The following ANKRD16 variants were observed in gnomAD, a reference collection of about 807,000 sequenced individuals.
ANKRD16 encodes ankyrin repeat domain 16.
A neutral mutation model predicts 37.9 loss-of-function variants in ANKRD16; 35 were observed. The observed-to-expected ratio is 0.92, with a 90% CI of 0.71 to 1.23. The LOEUF (loss-of-function observed/expected upper bound fraction) is 1.23, where lower values mean the gene tolerates loss of function less well. Among genes scored for constraint, ANKRD16 ranks in the 50% most tolerant of loss-of-function variants. The pLI is 0.00. For missense variants in ANKRD16, 480 were observed against 469.9 expected (o/e 1.02, Z -0.20); for synonymous variants, 206 against 197.2 (o/e 1.04, Z -0.37).
chr10:5,873,814 G>C (rs1236628564), intron 7 of ANKRD16, among the ~76,000 whole-genome samples: 1 of 151,472 alleles, frequency 6.6e-6, no homozygotes, highest in Non-Finnish European at 1.5e-5. Context: ...TCTCGTGTAA[G>C]TTTTTTTGGT....
Position 5,889,470 on chromosome 10 carries a change from C to T in ANKRD16, c.-116G>A. The T allele has an allele frequency of 1.3e-6, 1 of 761,390 alleles. No homozygotes were observed. The highest frequency in any genetic ancestry group is 1.7e-6 in the Non-Finnish European group (1 of 590,384). The allele number at this position is 761,390 out of a possible 1,614,324, so 47.2% of individuals were successfully genotyped here. A position where few individuals can be genotyped will look rare whatever the true frequency, so the allele number is the denominator to read the frequency against. On this transcript the variant is annotated 5_prime_UTR_variant, in exon 1 of 8. Transcript: ENST00000380094. ...GCCTCTTCACGCAACCTGCCCCGCG[C>T]GCCCCGAACCCGGCAGAACCGCCCC...
rs915018735 is a variant in ANKRD16, at chr10:5,864,586, C to T, written c.*34-1895G>A. Among the ~76,000 whole-genome samples, 13 of 152,200 alleles carry T rather than the reference C, an allele frequency of 8.5e-5. No homozygotes were observed. The highest frequency in any genetic ancestry group is 3.4e-3 in the Middle Eastern group (1 of 294). ...ACCCTGGCCTTTAATGAAAAGAATG[C>T]GGCTTTAGCTGCAGCCCGAGAGTTT... is the stretch of plus-strand genomic sequence containing the variant. On this transcript the variant is annotated intron_variant, in intron 7 of 7. Transcript: ENST00000380094. The surrounding 1 kb of genome is among the most constrained non-coding windows in gnomAD (Gnocchi z 4.4).
chr10:5,882,816 A>G, intron 5 of ANKRD16, 190 bp downstream of exon 5: 1 of 557,488 alleles, frequency 1.8e-6, no homozygotes, highest in East Asian at 3.3e-5. Context: ...AGTTTTGTCT[A>G]GCAACAAATT....
At chr10:5,872,804 C>T (rs1249044841) in intron 7 of ANKRD16, among the ~76,000 whole-genome samples, 298 of 151,890 alleles carry the variant, frequency 2.0e-3, no homozygotes, top group Non-Finnish European at 3.1e-3. Context: ...GATCTGCCCC[C>T]CTTGGCCTCC....
chr10:5,880,710 G>A (rs370280202), intron 5 of ANKRD16, among the ~76,000 whole-genome samples: 64 of 152,256 alleles, frequency 4.2e-4, no homozygotes, highest in African/African-American at 1.5e-3. Flanking sequence ...AAGATAAGGT[G>A]AATATAAAGT....
At chr10:5,880,922 G>A (rs938049300) in intron 5 of ANKRD16, among the ~76,000 whole-genome samples, 3 of 150,910 alleles carry the variant, frequency 2.0e-5, no homozygotes, top group Non-Finnish European at 4.4e-5. Flanking sequence ...TAAAACAGTC[G>A]ACTGCTAAAA....
At position 5,873,651 on chromosome 10, in the gene ANKRD16, T is replaced by C. The variant is rs180673088; in HGVS notation, c.*33+4446A>G. ...TGGTCTGCCACCTGCTGGTGGATTC[T>C]AGCAACGTCCTGGGTTAAATTAAAT... On this transcript the variant is annotated intron_variant, in intron 7 of 7. Coordinates refer to ENST00000380094, the MANE Select transcript of ANKRD16 (RefSeq NM_019046.3). Among the ~76,000 whole-genome samples, 5 of 152,316 alleles carry C rather than the reference T, an allele frequency of 3.3e-5. No individual in the cohort carries two copies. The East Asian group carries it at 9.6e-4, about 29-fold the overall frequency.
At position 5,883,480 on chromosome 10, in the gene ANKRD16, G is replaced by C. The variant is rs541290396; in HGVS notation, c.688-313C>G. On this transcript the variant is annotated intron_variant, in intron 4 of 7. Coordinates refer to ENST00000380094, the MANE Select transcript of ANKRD16 (RefSeq NM_019046.3). ...CTGGCTAATTTTTATATTTTTAGTAGAGATGGGTTTTAACATGTTGGCTAG... is the reference window on the plus strand; with the variant it reads ...CTGGCTAATTTTTATATTTTTAGTACAGATGGGTTTTAACATGTTGGCTAG... Among the ~76,000 whole-genome samples, 697 of 152,272 alleles carry C rather than the reference G, an allele frequency of 4.6e-3. 6 individuals are homozygous for C. Among genetic ancestry groups the C allele is most frequent in the African/African-American group, 0.016 (654 of 41,552 alleles).
In ANKRD16 at chr10:5,874,772, C is replaced by T. The variant is rs1306599756; in HGVS notation, c.*33+3325G>A. 6.6e-6 allele frequency among the ~76,000 whole-genome samples: 1 copy of T among 152,124 alleles called. No individual in the cohort carries two copies. The highest frequency in any genetic ancestry group is 1.5e-5 in the Non-Finnish European group (1 of 68,038). Reference sequence around the variant, plus strand: ...GGGCTAGAGAGAGATCTGAGTGTTACTGACATTAGGGTGTAGCTGAAACCC... The same window carrying T: ...GGGCTAGAGAGAGATCTGAGTGTTATTGACATTAGGGTGTAGCTGAAACCC... On this transcript the variant is annotated intron_variant, in intron 7 of 7. Coordinates refer to ENST00000380094, the MANE Select transcript of ANKRD16 (RefSeq NM_019046.3). The surrounding 1 kb of genome is among the most constrained non-coding windows in gnomAD (Gnocchi z 4.7).
rs117063868 is a variant in ANKRD16 at position 5,870,547 on chromosome 10, G to A, written c.*33+7550C>T. On this transcript the variant is annotated intron_variant, in intron 7 of 7. Transcript: ENST00000380094. The surrounding 1 kb of genome is among the most constrained non-coding windows in gnomAD (Gnocchi z 5.0). ...GCTTCCTTGGTAGCTGGGACTACAG[G>A]CACACCACGCCCAGCTAATTTTTTG... Among the ~76,000 whole-genome samples the A allele has an allele frequency of 6.7e-3, 1,024 of 152,148 alleles. 10 individuals are homozygous for A. The highest frequency in any genetic ancestry group is 7.6e-3 in the Non-Finnish European group (518 of 68,010).
At chr10:5,888,361 T>A (rs1842486123) in intron 1 of ANKRD16, among the ~76,000 whole-genome samples, 1 of 152,162 alleles carries the variant, frequency 6.6e-6, no homozygotes, top group African/African-American at 2.4e-5. Flanking sequence ...GGAGCAGAGC[T>A]AAGAAAACCC....
rs950252089 is a variant in ANKRD16 at position 5,861,862 on chromosome 10, A to G, written c.*863T>C. The G allele has an allele frequency of 2.7e-5, 4 of 150,796 alleles. No individual in the cohort carries two copies. Among genetic ancestry groups the G allele is most frequent in the African/African-American group, 9.8e-5 (4 of 40,894 alleles). The allele number at this position is 150,796 out of a possible 1,614,324, so 9.3% of individuals were successfully genotyped here. On this transcript the variant is annotated 3_prime_UTR_variant, in exon 8 of 8. Transcript: ENST00000380094. ...TGGTATCATCTGTGATACTATCAAC[A>G]TGGCAGCTCACAGACTGGGCAGGCC... is the stretch of plus-strand genomic sequence containing the variant.
intron 7 of ANKRD16, among the ~76,000 whole-genome samples, chr10:5,872,595 T>C (rs112369361): frequency 0.027 from 4,123 of 151,738 alleles, 70 homozygotes; most frequent in Non-Finnish European, 0.042. Flanking sequence ...CTCACTCTGT[T>C]GCCCAGGCTG....
intron 7 of ANKRD16, among the ~76,000 whole-genome samples, chr10:5,872,991 C>A (rs944391793): frequency 6.7e-6 from 1 of 149,162 alleles, no homozygotes; most frequent in East Asian, 2.0e-4. Flanking sequence ...TTCCAAGCAG[C>A]TGGGACTACA....
Position 5,874,795 on chromosome 10 carries a change from C to T in ANKRD16, c.*33+3302G>A, listed in dbSNP as rs998057753. 6.6e-6 allele frequency among the ~76,000 whole-genome samples: 1 copy of T among 152,066 alleles called. No individual in the cohort carries two copies. Among genetic ancestry groups the T allele is most frequent in the African/African-American group, 2.4e-5 (1 of 41,388 alleles). ...TACTGACATTAGGGTGTAGCTGAAA[C>T]CCGAGGCATGGACGACAACGCTTCA... is the stretch of plus-strand genomic sequence containing the variant. On this transcript the variant is annotated intron_variant, in intron 7 of 7. Transcript: ENST00000380094. This position sits in a 1 kb window ranked among gnomAD's most constrained non-coding sequence, Gnocchi z 4.7.
At position 5,868,183 on chromosome 10, in the gene ANKRD16, C is replaced by A. The variant is rs912606588; in HGVS notation, c.*34-5492G>T. Among the ~76,000 whole-genome samples, 1 of 152,194 alleles carries A rather than the reference C, an allele frequency of 6.6e-6. No individual in the cohort carries two copies. The highest frequency in any genetic ancestry group is 2.4e-5 in the African/African-American group (1 of 41,444). On this transcript the variant is annotated intron_variant, in intron 7 of 7. Coordinates refer to ENST00000380094, the MANE Select transcript of ANKRD16 (RefSeq NM_019046.3). The surrounding 1 kb of genome is among the most constrained non-coding windows in gnomAD (Gnocchi z 4.9). ...TTGTTTCCTCTAGGATCGAGGCCAT[C>A]AAGCTACAGATGGTCTTACAAATGG...
intron 2 of ANKRD16, among the ~76,000 whole-genome samples, chr10:5,887,339 T>C (rs895605180): frequency 2.0e-5 from 3 of 149,880 alleles, no homozygotes; most frequent in Non-Finnish European, 4.4e-5. Flanking sequence ...ATGTTAACTT[T>C]AGAAATTGAT....
In ANKRD16 at chr10:5,883,139, C is replaced by T. The variant is rs1589023939; in HGVS notation, c.716G>A (p.Gly239Asp). 3.7e-6 allele frequency: 6 copies of T among 1,613,910 alleles called. No homozygotes were observed. In the East Asian group the frequency reaches 1.3e-4, roughly 36 times the overall value. Residue 239 changes from glycine to aspartate, a missense_variant, in exon 5 of 8, where the codon GGT becomes GAT. Transcript: ENST00000380094. ...AGCTGCCCTGTGCAGAGCCTGGGCA[C>T]CCAGGCTGTCTTCTGCTGAAAGGCA... ...GACLSAEDSL[G>D]AQALHRAAVT...
At chr10:5,883,227 T>C in intron 4 of ANKRD16, 60 bp from the exon 5 acceptor site, 2 of 1,554,958 alleles carry the variant, frequency 1.3e-6, no homozygotes, top group Non-Finnish European at 1.7e-6. Flanking sequence ...GCAACTTAGA[T>C]CTGGGCATCT....
Sources: gnomAD v4.1 joint callset for allele counts (sites outside exome capture counted in the v4.1 genomes callset) on GRCh38, gnomAD v4.1.1 for gene constraint, Gnocchi (gnomAD v3.1) non-coding constraint, MANE v1.5 for transcripts, NCBI Gene and HGNC (gene_info 2026-07-23, HGNC 2026-07-21) for gene names.